Variants in CRBN observed in about 807,000 individuals in gnomAD.
The protein encoded by CRBN is cereblon.
A neutral mutation model predicts 62.2 loss-of-function variants in CRBN; 53 were observed. The ratio of observed to expected loss-of-function variants is 0.85; its 90% CI spans 0.68 to 1.07. The LOEUF is 1.07. Ranked by LOEUF, CRBN falls within the 50% of genes least tolerant of loss-of-function variation. The probability of loss-of-function intolerance (pLI) is 0.00; values close to 1 mark genes in which losing one functional copy is unlikely to be tolerated. For synonymous variants in CRBN, 208 were observed against 176.1 expected (o/e 1.18, Z -1.43); for missense variants, 616 against 531.1 (o/e 1.16, Z -1.57).
In CRBN at chr3:3,153,823, G is replaced by A. The variant is rs749903778; in HGVS notation, c.951+137C>T. On this transcript the variant is annotated intron_variant, in intron 8 of 10. Transcript: ENST00000231948. ...CAAACACAAAACAATGAGTTTGTTTGTAAGATCCCAATTGAAATCTGAATT... is the reference window on the plus strand; with the variant it reads ...CAAACACAAAACAATGAGTTTGTTTATAAGATCCCAATTGAAATCTGAATT... 8 of 683,904 alleles carry A rather than the reference G, an allele frequency of 1.2e-5. No individual in the cohort carries two copies. The African/African-American group carries it at 1.3e-4, about 11-fold the overall frequency. The allele number at this position is 683,904 out of a possible 1,614,324, so 42.4% of individuals were successfully genotyped here. A position where few individuals can be genotyped will look rare whatever the true frequency, so the allele number is the denominator to read the frequency against.
intron 4 of CRBN, among the ~76,000 whole-genome samples, chr3:3,170,469 G>C (rs750412122): frequency 2.0e-5 from 3 of 152,198 alleles, no homozygotes; most frequent in Admixed American, 2.0e-4. Flanking sequence ...ATAATGGAAG[G>C]AGTACCAGTT....
At chr3:3,153,858 C>T (rs1414210993) in intron 8 of CRBN, 102 bp downstream of exon 8, 1 of 747,540 alleles carries the variant, frequency 1.3e-6, no homozygotes, top group Non-Finnish European at 2.4e-6. Context: ...TGCATGACTA[C>T]ATTACTGGAC....
In CRBN at chr3:3,150,764, A is replaced by AATGTT. The variant is rs1199604594; in HGVS notation, c.*96_*100dup. The AATGTT allele has an allele frequency of 2.7e-6, 3 of 1,115,656 alleles. No individual in the cohort carries two copies. Among genetic ancestry groups the AATGTT allele is most frequent in the Non-Finnish European group, 2.6e-6 (2 of 765,598 alleles). The allele number at this position is 1,115,656 out of a possible 1,614,324, so 69.1% of individuals were successfully genotyped here. A position where few individuals can be genotyped will look rare whatever the true frequency, so the allele number is the denominator to read the frequency against. On this transcript the variant is annotated 3_prime_UTR_variant, in exon 11 of 11. Coordinates refer to ENST00000231948, the MANE Select transcript of CRBN (RefSeq NM_016302.4). Reference sequence around the variant, plus strand: ...GTAATGTTATGTTTACTTAGGTATTAATGTTATGTTTACTTAGGTATGTAT... The same window carrying AATGTT: ...GTAATGTTATGTTTACTTAGGTATTAATGTTATGTTATGTTTACTTAGGTATGTAT...
intron 4 of CRBN, among the ~76,000 whole-genome samples, chr3:3,171,470 G>T (rs1423267794): frequency 6.6e-6 from 1 of 151,318 alleles, no homozygotes; most frequent in Non-Finnish European, 1.5e-5. Context: ...AATAAGTCTT[G>T]GTCATTGTTC....
At chr3:3,155,021 G>A in intron 6 of CRBN, 190 bp from the exon 7 acceptor site, 1 of 598,906 alleles carries the variant, frequency 1.7e-6, no homozygotes, top group Non-Finnish European at 3.0e-6. Flanking sequence ...AGCACTGTCT[G>A]CCTTCCAGCC....
intron 3 of CRBN, among the ~76,000 whole-genome samples, chr3:3,173,261 TTGGTCAGGC>T (rs1416020344): frequency 3.3e-5 from 5 of 152,224 alleles, no homozygotes; most frequent in Admixed American, 2.6e-4. Context: ...TTTCACCATG[TTGGTCAGGC>T]TGGTCTCAAA....
intron 1 of CRBN, among the ~76,000 whole-genome samples, chr3:3,178,126 C>T (rs887989222): frequency 6.6e-6 from 1 of 152,150 alleles, no homozygotes; most frequent in Admixed American, 6.5e-5. Context: ...AGATCAGTAT[C>T]CTCCCTCTTC....
chr3:3,154,270 T>A (rs894516238), intron 7 of CRBN, 195 bp from the exon 8 acceptor site: 9 of 575,460 alleles, frequency 1.6e-5, no homozygotes, highest in Admixed American at 3.0e-5. Flanking sequence ...TTGCTTTTCT[T>A]ATACTTTTTT....
chr3:3,169,503 A>T (rs939763902), intron 4 of CRBN, among the ~76,000 whole-genome samples: 2 of 152,178 alleles, frequency 1.3e-5, no homozygotes, highest in African/African-American at 4.8e-5. Context: ...AATCTGGAAA[A>T]ATTCTGCACT....
chr3:3,161,667 G>A (rs1204938849), intron 5 of CRBN, among the ~76,000 whole-genome samples: 2 of 152,202 alleles, frequency 1.3e-5, no homozygotes, highest in South Asian at 2.1e-4. Flanking sequence ...GATTACAGGC[G>A]TGAGCCACTG....
At chr3:3,173,993 C>T (rs6802596) in intron 3 of CRBN, 66 bp downstream of exon 3, 1 of 1,362,066 alleles carries the variant, frequency 7.3e-7, no homozygotes, top group Admixed American at 1.7e-5. Flanking sequence ...GCTTTGGCTT[C>T]AACACTGACC....
At chr3:3,179,595 T>G in intron 1 of CRBN, 26 bp downstream of exon 1, 1 of 1,610,948 alleles carries the variant, frequency 6.2e-7, no homozygotes, top group Non-Finnish European at 8.5e-7. Flanking sequence ...CACTCCCGAC[T>G]ACAGGGAACT....
intron 5 of CRBN, among the ~76,000 whole-genome samples, chr3:3,161,197 G>C (rs557092776): frequency 6.6e-6 from 1 of 152,076 alleles, no homozygotes; most frequent in South Asian, 2.1e-4. Context: ...AAAATGTTTG[G>C]AACTCATTAA....
chr3:3,158,702 AAC>A (rs912282788), intron 5 of CRBN, among the ~76,000 whole-genome samples: 20 of 152,308 alleles, frequency 1.3e-4, no homozygotes, highest in Non-Finnish European at 2.8e-4. Flanking sequence ...AAAGTAAGGA[AAC>A]AGAGGCACAC....
intron 5 of CRBN, among the ~76,000 whole-genome samples, chr3:3,158,662 C>CT (rs760698126): frequency 2.6e-5 from 4 of 152,280 alleles, no homozygotes; most frequent in East Asian, 3.9e-4. Flanking sequence ...TAAGAATACT[C>CT]TAAGGTTAGT....
At chr3:3,167,572 A>G in intron 5 of CRBN, 62 bp downstream of exon 5, 1 of 1,504,682 alleles carries the variant, frequency 6.6e-7, no homozygotes, top group South Asian at 1.1e-5. Context: ...TTCTTTCTTA[A>G]AACAGGAAAA....
intron 6 of CRBN, chr3:3,155,644 G>C (rs1054297506): frequency 1.3e-5 from 2 of 153,750 alleles, no homozygotes; most frequent in African/African-American, 4.8e-5. Context: ...AACCCTCCTG[G>C]ATGCATTAAT....
intron 4 of CRBN, among the ~76,000 whole-genome samples, chr3:3,171,010 G>C (rs911378448): frequency 1.3e-5 from 2 of 152,128 alleles, no homozygotes; most frequent in African/African-American, 4.8e-5. Flanking sequence ...TCTCCATGTT[G>C]GTCAGGCTGA....
At chr3:3,165,349 T>C (rs545492343) in intron 5 of CRBN, among the ~76,000 whole-genome samples, 1 of 152,318 alleles carries the variant, frequency 6.6e-6, no homozygotes, top group South Asian at 2.1e-4. Context: ...GTGGCTTAAA[T>C]GCTATCAAAC....
Sources: gnomAD v4.1 joint callset for allele counts (sites outside exome capture counted in the v4.1 genomes callset) on GRCh38, gnomAD v4.1.1 for gene constraint, MANE v1.5 for transcripts, NCBI Gene and HGNC (gene_info 2026-07-23, HGNC 2026-07-21) for gene names.